The following CDH13 variants were observed in gnomAD, a reference collection of about 807,000 sequenced individuals.
CDH13 encodes cadherin-13.
In CDH13, 24 loss-of-function variants were observed where a neutral mutation model predicts 63.8. The observed-to-expected ratio is 0.38, with a 90% CI of 0.27 to 0.53. CDH13 has a LOEUF of 0.53. Ranked by LOEUF, CDH13 falls within the 20% of genes least tolerant of loss-of-function variation. The pLI is 0.85. For missense variants in CDH13, 1,049 were observed against 903.1 expected (o/e 1.16, Z -2.07); for synonymous variants, 503 against 355.3 (o/e 1.42, Z -4.67).
At chr16:83,264,161 A>C (rs923902514) in intron 5 of CDH13, among the ~76,000 whole-genome samples, 12 of 152,210 alleles carry the variant, frequency 7.9e-5, no homozygotes, top group African/African-American at 2.9e-4. Context: ...TAGGGTATAA[A>C]TTGCTGCTGC....
rs187835898 is a variant in CDH13 at position 83,329,726 on chromosome 16, C to G, written c.637-15136C>G. ...AGAGTCACCATTCTACTTTCTATTT[C>G]TGGAAATTTGATTACTTTAGAGAGC... On this transcript the variant is annotated intron_variant, in intron 5 of 13. Transcript: ENST00000567109. Among the ~76,000 whole-genome samples the G allele has an allele frequency of 2.1e-3, 324 of 152,264 alleles. 3 individuals are homozygous for G. The highest frequency in any genetic ancestry group is 4.4e-3 in the African/African-American group (184 of 41,574).
intron 7 of CDH13, among the ~76,000 whole-genome samples, chr16:83,496,360 T>G (rs1476549630): frequency 4.6e-4 from 69 of 149,544 alleles, no homozygotes; most frequent in Non-Finnish European, 7.7e-4. Flanking sequence ...ACGCCGCATA[T>G]CTACAACTAT....
At chr16:83,416,079 A>G (rs1435720960) in intron 6 of CDH13, among the ~76,000 whole-genome samples, 2 of 152,248 alleles carry the variant, frequency 1.3e-5, no homozygotes, top group Non-Finnish European at 2.9e-5. Context: ...ACAAACAAAA[A>G]TTAGTTATGT....
chr16:83,407,871 A>G (rs962925661), intron 6 of CDH13, among the ~76,000 whole-genome samples: 1 of 152,214 alleles, frequency 6.6e-6, no homozygotes, highest in East Asian at 1.9e-4. Flanking sequence ...TCACAAATGT[A>G]TAACTGAGTA....
At chr16:82,768,751 T>A (rs2035154407) in intron 1 of CDH13, among the ~76,000 whole-genome samples, 1 of 152,196 alleles carries the variant, frequency 6.6e-6, no homozygotes, top group Non-Finnish European at 1.5e-5. Context: ...CCACTGAACA[T>A]CAGGCTCTGA....
chr16:83,127,652 A>G (rs113543310), intron 4 of CDH13, among the ~76,000 whole-genome samples: 9 of 152,268 alleles, frequency 5.9e-5, no homozygotes, highest in African/African-American at 2.2e-4. Flanking sequence ...ACTTGAACCC[A>G]GGAGGTGGAG....
intron 5 of CDH13, among the ~76,000 whole-genome samples, chr16:83,342,848 T>TG (rs2090757437): frequency 3.6e-5 from 5 of 139,446 alleles, no homozygotes; most frequent in Non-Finnish European, 7.6e-5. Flanking sequence ...TTTCTGTTTT[T>TG]TTTTTTTTTT....
chr16:83,477,016 C>A (rs2073623682), intron 6 of CDH13, among the ~76,000 whole-genome samples: 1 of 152,074 alleles, frequency 6.6e-6, no homozygotes, highest in Admixed American at 6.6e-5. Flanking sequence ...GAAATTAGGA[C>A]AGTAAAATGA....
At chr16:82,953,000 G>A (rs924030130) in intron 2 of CDH13, among the ~76,000 whole-genome samples, 2 of 152,218 alleles carry the variant, frequency 1.3e-5, no homozygotes, top group Non-Finnish European at 2.9e-5. Context: ...ATCTGCTTGT[G>A]AACATACTGC....
At position 83,200,366 on chromosome 16, in the gene CDH13, TC is replaced by T. The variant is rs554848056; in HGVS notation, c.484-16978del. On this transcript the variant is annotated intron_variant, in intron 4 of 13. Coordinates refer to ENST00000567109, the MANE Select transcript of CDH13 (RefSeq NM_001257.5). ...AGTTAAGACTAAACCAGTCTCCTTT[TC>T]TGCTGGTCTTTAGATGATACCCAAA... Among the ~76,000 whole-genome samples, 34 of 152,332 alleles carry T rather than the reference TC, an allele frequency of 2.2e-4. No individual in the cohort carries two copies. In the South Asian group the frequency reaches 7.0e-3, roughly 32 times the overall value.
chr16:83,035,864 A>T (rs1916801843), intron 3 of CDH13, among the ~76,000 whole-genome samples: 1 of 152,220 alleles, frequency 6.6e-6, no homozygotes, highest in Admixed American at 6.5e-5. Flanking sequence ...TACATGTAGC[A>T]GTAATGTATA....
chr16:83,098,386 A>C (rs991485276), intron 3 of CDH13, among the ~76,000 whole-genome samples: 11 of 152,312 alleles, frequency 7.2e-5, no homozygotes, highest in African/African-American at 2.6e-4. Context: ...TTAAACAATC[A>C]ATTTTCCTTC....
At chr16:82,909,499 C>T (rs1051325849) in intron 2 of CDH13, among the ~76,000 whole-genome samples, 1 of 150,042 alleles carries the variant, frequency 6.7e-6, no homozygotes, top group Non-Finnish European at 1.5e-5. Context: ...AAGCCATACC[C>T]GAGACTGGGT....
intron 5 of CDH13, among the ~76,000 whole-genome samples, chr16:83,338,098 T>C (rs1372233689): frequency 2.0e-5 from 3 of 151,476 alleles, no homozygotes; most frequent in African/African-American, 4.9e-5. Context: ...TGAGTATTTG[T>C]TCAGATTGTT....
At chr16:82,921,577 T>C (rs1164379603) in intron 2 of CDH13, among the ~76,000 whole-genome samples, 1 of 152,206 alleles carries the variant, frequency 6.6e-6, no homozygotes, top group Non-Finnish European at 1.5e-5. Flanking sequence ...ATTTACAGGT[T>C]GCAGGGCTCA....
intron 10 of CDH13, among the ~76,000 whole-genome samples, chr16:83,709,028 A>T (rs1302256426): frequency 6.6e-6 from 1 of 151,878 alleles, no homozygotes; most frequent in Non-Finnish European, 1.5e-5. Flanking sequence ...TGTCTCAAAA[A>T]ATTAAATTAA....
At chr16:82,769,008 A>C (rs1023854986) in intron 1 of CDH13, among the ~76,000 whole-genome samples, 1 of 152,234 alleles carries the variant, frequency 6.6e-6, no homozygotes, top group Non-Finnish European at 1.5e-5. Flanking sequence ...ACAGCTGGCA[A>C]GATTGAGATA....
intron 8 of CDH13, among the ~76,000 whole-genome samples, chr16:83,653,152 T>TGAA (rs1912547539): frequency 1.3e-5 from 2 of 151,820 alleles, no homozygotes; most frequent in Non-Finnish European, 2.9e-5. Flanking sequence ...CGGGAGTGGG[T>TGAA]GAAGAATGGG....
chr16:83,259,789 A>G (rs1567545769), intron 5 of CDH13, among the ~76,000 whole-genome samples: 1 of 152,156 alleles, frequency 6.6e-6, no homozygotes, highest in Admixed American at 6.5e-5. Context: ...CCCTGAGGCA[A>G]AGAGGTATCC....
Sources: allele counts gnomAD v4.1 joint callset (sites outside exome capture counted in the v4.1 genomes callset), GRCh38; gene constraint gnomAD v4.1.1; transcripts MANE v1.5; gene names NCBI Gene and HGNC (gene_info 2026-07-23, HGNC 2026-07-21).